SMARCC1: variants seen among roughly 807,000 people sequenced by gnomAD.
SMARCC1 encodes the protein SWI/SNF related BAF chromatin remodeling complex subunit C1, also known as SWI/SNF complex subunit SMARCC1.
A neutral mutation model predicts 147.4 loss-of-function variants in SMARCC1; 43 were observed. The ratio of observed to expected loss-of-function variants is 0.29; its 90% CI spans 0.23 to 0.38. The LOEUF (loss-of-function observed/expected upper bound fraction) is 0.38, where lower values mean the gene tolerates loss of function less well. Ranked by LOEUF, SMARCC1 falls within the 10% of genes least tolerant of loss-of-function variation. The pLI is 1.00. For missense variants in SMARCC1, 1,119 were observed against 1,381.1 expected (o/e 0.81, Z 3.01); for synonymous variants, 495 against 484.4 (o/e 1.02, Z -0.29).
At chr3:47,658,236 C>T (rs967802168) in intron 21 of SMARCC1, among the ~76,000 whole-genome samples, 3 of 152,118 alleles carry the variant, frequency 2.0e-5, no homozygotes, top group Admixed American at 6.5e-5. Flanking sequence ...AAAAAAATAG[C>T]TTTGAGATAT....
intron 24 of SMARCC1, among the ~76,000 whole-genome samples, chr3:47,634,063 G>A (rs1478032969): frequency 6.6e-6 from 1 of 152,092 alleles, no homozygotes; most frequent in Non-Finnish European, 1.5e-5. Context: ...ACTTCCCAGA[G>A]GGGGATGTAG....
At chr3:47,716,810 T>TC in intron 7 of SMARCC1, among the ~76,000 whole-genome samples, 1 of 152,222 alleles carries the variant, frequency 6.6e-6, no homozygotes, top group African/African-American at 2.4e-5. Context: ...AGAAAGAACT[T>TC]ATTCAAATGA....
chr3:47,751,455 C>T (rs372139479), intron 2 of SMARCC1, among the ~76,000 whole-genome samples: 4 of 151,840 alleles, frequency 2.6e-5, no homozygotes, highest in Middle Eastern at 3.2e-3. Flanking sequence ...GCAGAAGAAT[C>T]GCTTGAACCC....
chr3:47,650,331 TAAA>T (rs1261820505), intron 21 of SMARCC1, among the ~76,000 whole-genome samples: 2 of 147,450 alleles, frequency 1.4e-5, no homozygotes, highest in East Asian at 3.9e-4. Context: ...AAGAAAAAAA[TAAA>T]AACATTTCTT....
chr3:47,682,851 T>C (rs2033672211), intron 14 of SMARCC1, among the ~76,000 whole-genome samples: 1 of 152,182 alleles, frequency 6.6e-6, no homozygotes, highest in Non-Finnish European at 1.5e-5. Flanking sequence ...AAAGCAAAAT[T>C]GTGAATGTTT....
intron 19 of SMARCC1, among the ~76,000 whole-genome samples, chr3:47,663,307 G>C (rs886962216): frequency 4.0e-5 from 6 of 151,282 alleles, no homozygotes; most frequent in African/African-American, 1.5e-4. Flanking sequence ...TGTTTATGTA[G>C]AAAATTCTAA....
intron 24 of SMARCC1, among the ~76,000 whole-genome samples, chr3:47,626,865 C>T (rs938236295): frequency 1.3e-5 from 2 of 152,132 alleles, no homozygotes; most frequent in Admixed American, 6.5e-5. Context: ...GGAAAGACCA[C>T]AAGGGGAAAT....
At chr3:47,667,907 T>C (rs1401602065) in intron 19 of SMARCC1, among the ~76,000 whole-genome samples, 1 of 152,054 alleles carries the variant, frequency 6.6e-6, no homozygotes, top group Non-Finnish European at 1.5e-5. Flanking sequence ...CCCAGTACAG[T>C]GGCTCACGTC....
chr3:47,671,196 A>AAAAAAAAAAGC (rs753672169), intron 18 of SMARCC1, among the ~76,000 whole-genome samples: 4 of 81,144 alleles, frequency 4.9e-5, no homozygotes, highest in Non-Finnish European at 9.7e-5. Flanking sequence ...AAAAAAAAAA[A>AAAAAAAAAAGC]AACACACACA....
At chr3:47,780,480 C>G (rs1473298757) in intron 1 of SMARCC1, among the ~76,000 whole-genome samples, 1 of 152,060 alleles carries the variant, frequency 6.6e-6, no homozygotes, top group African/African-American at 2.4e-5. Flanking sequence ...ACGTGTAATG[C>G]CAAAGGAACC....
intron 19 of SMARCC1, among the ~76,000 whole-genome samples, chr3:47,667,429 G>T (rs2033436574): frequency 6.6e-6 from 1 of 152,164 alleles, no homozygotes; most frequent in Non-Finnish European, 1.5e-5. Context: ...TTATCTAAGG[G>T]AAAATAAATA....
chr3:47,777,774 G>A (rs553129461), intron 1 of SMARCC1, among the ~76,000 whole-genome samples: 12 of 151,208 alleles, frequency 7.9e-5, no homozygotes, highest in East Asian at 6.0e-4. Context: ...GTGATCCACC[G>A]GCCTCGGTCT....
At chr3:47,694,226 C>A (rs912325363) in intron 11 of SMARCC1, among the ~76,000 whole-genome samples, 4 of 152,132 alleles carry the variant, frequency 2.6e-5, no homozygotes, top group East Asian at 3.8e-4. Flanking sequence ...TTGTAATTAT[C>A]TTTGTGGGTG....
chr3:47,593,333 G>A (rs1451022344), intron 26 of SMARCC1, among the ~76,000 whole-genome samples: 2 of 151,110 alleles, frequency 1.3e-5, no homozygotes, highest in African/African-American at 2.4e-5. Flanking sequence ...CACCATACCC[G>A]GATAATTTTT....
chr3:47,709,240 A>C (rs2106796612), intron 9 of SMARCC1, among the ~76,000 whole-genome samples: 1 of 152,230 alleles, frequency 6.6e-6, no homozygotes, highest in Non-Finnish European at 1.5e-5. Flanking sequence ...CAGCCTGGGC[A>C]ATAGAACGAG....
chr3:47,592,822 G>GTTTT (rs139189268), intron 26 of SMARCC1, among the ~76,000 whole-genome samples: 1 of 136,548 alleles, frequency 7.3e-6, no homozygotes, highest in Non-Finnish European at 1.5e-5. Flanking sequence ...TGGTAGTCTT[G>GTTTT]TTTTTTTTTT....
intron 2 of SMARCC1, among the ~76,000 whole-genome samples, chr3:47,758,582 C>T (rs2106858215): frequency 6.6e-6 from 1 of 152,182 alleles, no homozygotes; most frequent in South Asian, 2.1e-4. Flanking sequence ...TTATTATGTA[C>T]TGCATATACA....
intron 13 of SMARCC1, 51 bp from the exon 14 acceptor site, chr3:47,686,221 T>C (rs142469086): frequency 2.0e-5 from 29 of 1,435,784 alleles, no homozygotes; most frequent in African/African-American, 2.8e-5. Context: ...CAGAGAGAGA[T>C]ATATATAACA....
At chr3:47,647,643 C>T (rs2033135592) in intron 21 of SMARCC1, among the ~76,000 whole-genome samples, 1 of 152,162 alleles carries the variant, frequency 6.6e-6, no homozygotes, top group South Asian at 2.1e-4. Context: ...CTTGGGAGAA[C>T]TTAGTCTCAG....
Sources: gnomAD v4.1 joint callset for allele counts (sites outside exome capture counted in the v4.1 genomes callset) on GRCh38, gnomAD v4.1.1 for gene constraint, MANE v1.5 for transcripts, NCBI Gene and HGNC (gene_info 2026-07-23, HGNC 2026-07-21) for gene names.